Variants in ANO6 observed in about 807,000 individuals in gnomAD.
ANO6 encodes anoctamin-6.
A neutral mutation model predicts 117.5 loss-of-function variants in ANO6; 106 were observed. The observed-to-expected ratio is 0.90, with a 90% CI of 0.77 to 1.06. The LOEUF (loss-of-function observed/expected upper bound fraction) is 1.06, where lower values mean the gene tolerates loss of function less well. Among genes scored for constraint, ANO6 ranks in the 50% least tolerant of loss-of-function variants. ANO6 has a pLI of 0.00. For synonymous variants in ANO6, 367 were observed against 385.1 expected (o/e 0.95, Z 0.55); for missense variants, 955 against 1,121.1 (o/e 0.85, Z 2.12).
chr12:45,256,749 C>T (rs1262204083), intron 1 of ANO6: 2 of 152,116 alleles, frequency 1.3e-5, no homozygotes, highest in Non-Finnish European at 2.9e-5. Context: ...ATAGATTGTT[C>T]TATTATCATC....
At chr12:45,261,585 C>T (rs919485405) in intron 1 of ANO6, among the ~76,000 whole-genome samples, 1 of 152,202 alleles carries the variant, frequency 6.6e-6, no homozygotes, top group African/African-American at 2.4e-5. Context: ...TTACTTCAGT[C>T]CTGAGTTTGT....
chr12:45,371,920 G>C (rs1306983891), intron 9 of ANO6, among the ~76,000 whole-genome samples: 1 of 151,714 alleles, frequency 6.6e-6, no homozygotes, highest in Admixed American at 6.6e-5. Context: ...TCTGAGCTAC[G>C]GGAGGACATT....
chr12:45,408,010 C>T lies in ANO6; in HGVS notation c.1881-1347C>T, dbSNP rs149389210. Among the ~76,000 whole-genome samples the T allele has an allele frequency of 3.9e-5, 6 of 152,214 alleles. No individual in the cohort carries two copies. The East Asian group carries it at 1.2e-3, about 29-fold the overall frequency. ...ACGTCTCCTGTAGTAGAGATAATTTCCCCTGAGTAAAGCTTCAGTAGCAGT... is the reference window on the plus strand; with the variant it reads ...ACGTCTCCTGTAGTAGAGATAATTTTCCCTGAGTAAAGCTTCAGTAGCAGT... On this transcript the variant is annotated intron_variant, in intron 15 of 19. Transcript: ENST00000320560.
At chr12:45,276,054 A>G (rs999669300) in intron 1 of ANO6, among the ~76,000 whole-genome samples, 9 of 152,098 alleles carry the variant, frequency 5.9e-5, no homozygotes, top group Non-Finnish European at 1.2e-4. Context: ...TCCATGTCCC[A>G]TCTACCCCAT....
intron 1 of ANO6, among the ~76,000 whole-genome samples, chr12:45,254,189 C>T (rs192047656): frequency 5.3e-5 from 8 of 152,266 alleles, no homozygotes; most frequent in Admixed American, 3.9e-4. Flanking sequence ...GCCATTCTTA[C>T]GAATGAGGAA....
At chr12:45,286,441 C>T (rs1938917403) in intron 1 of ANO6, among the ~76,000 whole-genome samples, 2 of 152,112 alleles carry the variant, frequency 1.3e-5, no homozygotes, top group Non-Finnish European at 2.9e-5. Context: ...TCCATACATT[C>T]AAGATTTAAG....
chr12:45,283,640 T>C (rs1418047293), intron 1 of ANO6, among the ~76,000 whole-genome samples: 2 of 152,218 alleles, frequency 1.3e-5, no homozygotes, highest in East Asian at 3.8e-4. Context: ...AGCTAAGATT[T>C]CCTGCTGAAA....
intron 1 of ANO6, among the ~76,000 whole-genome samples, chr12:45,276,732 T>G (rs1243307457): frequency 6.6e-6 from 1 of 152,212 alleles, no homozygotes; most frequent in East Asian, 1.9e-4. Context: ...CATTTTCTGT[T>G]TTATCTTCTG....
intron 1 of ANO6, among the ~76,000 whole-genome samples, chr12:45,267,363 ACT>A (rs1480048222): frequency 6.6e-6 from 1 of 151,590 alleles, no homozygotes; most frequent in African/African-American, 2.4e-5. Flanking sequence ...ACACTCTCAC[ACT>A]CTCATTTTCA....
At chr12:45,398,260 G>GA (rs976844844) in intron 12 of ANO6, among the ~76,000 whole-genome samples, 6 of 151,916 alleles carry the variant, frequency 3.9e-5, no homozygotes, top group African/African-American at 7.3e-5. Context: ...AATTACAAAG[G>GA]AAAAAAATAT....
chr12:45,403,790 C>T (rs917634111), intron 15 of ANO6, among the ~76,000 whole-genome samples: 4 of 152,098 alleles, frequency 2.6e-5, no homozygotes, highest in African/African-American at 7.2e-5. Context: ...GAGTTTATAC[C>T]TACTGGGCTA....
intron 2 of ANO6, among the ~76,000 whole-genome samples, chr12:45,324,714 A>G (rs1289557776): frequency 6.6e-6 from 1 of 152,220 alleles, no homozygotes; most frequent in Non-Finnish European, 1.5e-5. Context: ...TGGGAGTGAC[A>G]GATTGTAACA....
chr12:45,366,636 G>A (rs1346783410), intron 8 of ANO6, among the ~76,000 whole-genome samples: 1 of 152,116 alleles, frequency 6.6e-6, no homozygotes, highest in Non-Finnish European at 1.5e-5. Context: ...GTCTTCAGAA[G>A]TATTTTGACT....
intron 12 of ANO6, among the ~76,000 whole-genome samples, chr12:45,395,413 C>G (rs1942582481): frequency 6.6e-6 from 1 of 152,168 alleles, no homozygotes; most frequent in South Asian, 2.1e-4. Context: ...ACCAGAGGTA[C>G]AAAGAGGAGC....
At chr12:45,370,940 C>A (rs971737258) in intron 9 of ANO6, among the ~76,000 whole-genome samples, 2 of 152,208 alleles carry the variant, frequency 1.3e-5, no homozygotes, top group Non-Finnish European at 2.9e-5. Flanking sequence ...GCATTTCCAT[C>A]TGAGGTACCG....
intron 10 of ANO6, among the ~76,000 whole-genome samples, chr12:45,380,240 T>A (rs1442869946): frequency 6.6e-6 from 1 of 152,210 alleles, no homozygotes; most frequent in Non-Finnish European, 1.5e-5. Flanking sequence ...AACCCATGGT[T>A]GAAGTAAAGG....
chr12:45,270,593 G>A, intron 1 of ANO6: 1 of 530,484 alleles, frequency 1.9e-6, no homozygotes, highest in Non-Finnish European at 3.3e-6. Flanking sequence ...GTCAGTTCCG[G>A]GAGAACAGGC....
intron 10 of ANO6, 130 bp downstream of exon 10, chr12:45,378,243 A>G (rs1482301177): frequency 1.2e-6 from 1 of 863,236 alleles, no homozygotes; most frequent in African/African-American, 1.7e-5. Context: ...TTCCATTTAT[A>G]ACTGAGGGCA....
intron 1 of ANO6, among the ~76,000 whole-genome samples, chr12:45,281,224 T>A (rs1453664574): frequency 6.6e-6 from 1 of 152,248 alleles, no homozygotes; most frequent in African/African-American, 2.4e-5. Flanking sequence ...TCTGGCTAAC[T>A]ACTGAGGTTC....
Sources: gnomAD v4.1 joint callset for allele counts (sites outside exome capture counted in the v4.1 genomes callset) on GRCh38, gnomAD v4.1.1 for gene constraint, MANE v1.5 for transcripts, NCBI Gene and HGNC (gene_info 2026-07-23, HGNC 2026-07-21) for gene names.